Variants in PDZRN4 observed in about 807,000 individuals in gnomAD.
PDZRN4 encodes PDZ domain-containing RING finger protein 4.
A neutral mutation model predicts 99.0 loss-of-function variants in PDZRN4; 70 were observed. The ratio of observed to expected loss-of-function variants is 0.71; its 90% CI spans 0.58 to 0.86. PDZRN4 has a LOEUF of 0.86. Ranked by LOEUF, PDZRN4 falls within the 40% of genes least tolerant of loss-of-function variation. The probability of loss-of-function intolerance (pLI) is 0.00; values close to 1 mark genes in which losing one functional copy is unlikely to be tolerated. For synonymous variants in PDZRN4, 551 were observed against 501.6 expected (o/e 1.10, Z -1.32); for missense variants, 1,474 against 1,331.2 (o/e 1.11, Z -1.67).
At chr12:41,538,758 T>C (rs1198119748) in intron 5 of PDZRN4, among the ~76,000 whole-genome samples, 1 of 152,134 alleles carries the variant, frequency 6.6e-6, no homozygotes, top group Non-Finnish European at 1.5e-5. Flanking sequence ...AGTTATAAAA[T>C]ACTACTCGAA....
intron 5 of PDZRN4, among the ~76,000 whole-genome samples, chr12:41,530,772 T>G (rs1938647031): frequency 6.6e-6 from 1 of 152,216 alleles, no homozygotes; most frequent in Admixed American, 6.5e-5. Context: ...GGACTTATGA[T>G]TTCCCTGACT....
Position 41,539,111 on chromosome 12 carries a change from T to TA in PDZRN4, c.1204-13544dup, listed in dbSNP as rs1938801855. On this transcript the variant is annotated intron_variant, in intron 5 of 9. Transcript: ENST00000402685. ...GATATATGTGTGTATATATATATATTATGCGTAAATATAATATATATATTT... is the reference window on the plus strand; with the variant it reads ...GATATATGTGTGTATATATATATATTAATGCGTAAATATAATATATATATTT... Among the ~76,000 whole-genome samples the TA allele has an allele frequency of 5.9e-5, 9 of 151,558 alleles. No individual in the cohort carries two copies. In the South Asian group the frequency reaches 8.3e-4, roughly 14 times the overall value.
intron 3 of PDZRN4, among the ~76,000 whole-genome samples, chr12:41,349,122 A>T (rs933315151): frequency 6.6e-6 from 1 of 151,956 alleles, no homozygotes. Flanking sequence ...CACAATTACT[A>T]TCAATAGGGA....
intron 3 of PDZRN4, among the ~76,000 whole-genome samples, chr12:41,426,423 C>A (rs1260470543): frequency 6.6e-6 from 1 of 152,170 alleles, no homozygotes; most frequent in African/African-American, 2.4e-5. Context: ...ACCACCTCTA[C>A]CACTGACTCT....
At chr12:41,529,704 A>G (rs751255598) in intron 5 of PDZRN4, among the ~76,000 whole-genome samples, 1 of 152,172 alleles carries the variant, frequency 6.6e-6, no homozygotes, top group Non-Finnish European at 1.5e-5. Flanking sequence ...TACTCTTCCT[A>G]TGTTTTTGTG....
At chr12:41,392,095 C>A (rs1273166036) in intron 3 of PDZRN4, among the ~76,000 whole-genome samples, 1 of 152,044 alleles carries the variant, frequency 6.6e-6, no homozygotes, top group Non-Finnish European at 1.5e-5. Context: ...TATCAGAATT[C>A]TTGTGAATTC....
chr12:41,434,159 T>C (rs1288014086), intron 3 of PDZRN4, among the ~76,000 whole-genome samples: 1 of 152,234 alleles, frequency 6.6e-6, no homozygotes, highest in Admixed American at 6.5e-5. Flanking sequence ...GACTTCCTCT[T>C]CGTCTTCTCT....
rs183744528 is a variant in PDZRN4 at position 41,475,542 on chromosome 12, G to A, written c.844-30914G>A. ...AAACACATTCTTTGCAGCTTTAAAT[G>A]GTATTGTAGAAAATTCTCATAAGAA... is the stretch of plus-strand genomic sequence containing the variant. On this transcript the variant is annotated intron_variant, in intron 3 of 9. Transcript: ENST00000402685. 7.2e-4 allele frequency among the ~76,000 whole-genome samples: 109 copies of A among 152,202 alleles called. 1 individual carries two copies. Among genetic ancestry groups the A allele is most frequent in the African/African-American group, 2.0e-3 (85 of 41,552 alleles).
At chr12:41,269,903 C>T (rs1308261807) in intron 3 of PDZRN4, among the ~76,000 whole-genome samples, 1 of 152,130 alleles carries the variant, frequency 6.6e-6, no homozygotes, top group East Asian at 1.9e-4. Flanking sequence ...TTCTGATACA[C>T]ACACACGATA....
chr12:41,218,717 T>C (rs947717884), intron 3 of PDZRN4, among the ~76,000 whole-genome samples: 1 of 152,122 alleles, frequency 6.6e-6, no homozygotes, highest in Non-Finnish European at 1.5e-5. Flanking sequence ...AGCAAATATA[T>C]AACACAAAGA....
intron 3 of PDZRN4, among the ~76,000 whole-genome samples, chr12:41,485,638 C>G (rs1937760826): frequency 1.3e-5 from 2 of 151,970 alleles, no homozygotes; most frequent in African/African-American, 4.8e-5. Flanking sequence ...TAGCTTATTA[C>G]CTGGAATATA....
At chr12:41,528,559 A>G (rs1938610033) in intron 5 of PDZRN4, among the ~76,000 whole-genome samples, 1 of 152,134 alleles carries the variant, frequency 6.6e-6, no homozygotes, top group Admixed American at 6.5e-5. Context: ...GAAACTCAAA[A>G]ATTCTTGAGT....
chr12:41,248,830 A>G (rs1028859256), intron 3 of PDZRN4, among the ~76,000 whole-genome samples: 1 of 152,186 alleles, frequency 6.6e-6, no homozygotes, highest in African/African-American at 2.4e-5. Flanking sequence ...AAACTAAAAT[A>G]CAGATTATTT....
Position 41,317,859 on chromosome 12 carries a change from A to G in PDZRN4, c.843+123671A>G, listed in dbSNP as rs374782003. On this transcript the variant is annotated intron_variant, in intron 3 of 9. Transcript: ENST00000402685. The stretch of plus-strand genomic sequence containing the variant: ...TAACTCACTACAAGAGTGATTTTCA[A>G]TCGCTTCCTATTTTTAACTACTGAT... Among the ~76,000 whole-genome samples the G allele has an allele frequency of 6.5e-4, 99 of 152,210 alleles. No homozygotes were observed. In the Middle Eastern group the frequency reaches 0.027, roughly 42 times the overall value.
At chr12:41,317,132 C>T (rs1486975660) in intron 3 of PDZRN4, among the ~76,000 whole-genome samples, 4 of 138,102 alleles carry the variant, frequency 2.9e-5, no homozygotes, top group Non-Finnish European at 6.3e-5. Flanking sequence ...TGTATATTTG[C>T]ATAATTCTCA....
chr12:41,468,408 TC>T (rs1373559192), intron 3 of PDZRN4, among the ~76,000 whole-genome samples: 3 of 152,224 alleles, frequency 2.0e-5, no homozygotes, highest in African/African-American at 4.8e-5. Flanking sequence ...ATGTTTGCCC[TC>T]TGTATACCAA....
At position 41,333,917 on chromosome 12, in the gene PDZRN4, G is replaced by A. The variant is rs143096382; in HGVS notation, c.843+139729G>A. 1.2e-4 allele frequency among the ~76,000 whole-genome samples: 19 copies of A among 152,172 alleles called. No homozygotes were observed. The East Asian group carries it at 1.5e-3, about 12-fold the overall frequency. ...TTCATACGCAGTTATTTTTGTGTGC[G>A]CAAACATACTGAGAATTTGAACAAT... On this transcript the variant is annotated intron_variant, in intron 3 of 9. Transcript: ENST00000402685.
intron 3 of PDZRN4, among the ~76,000 whole-genome samples, chr12:41,218,012 AT>A (rs1487155164): frequency 2.0e-5 from 3 of 152,114 alleles, no homozygotes; most frequent in Admixed American, 6.6e-5. Flanking sequence ...GTGGAAATGA[AT>A]TCATTCACTG....
chr12:41,194,804 G>C (rs1591962844), intron 3 of PDZRN4, among the ~76,000 whole-genome samples: 2 of 152,004 alleles, frequency 1.3e-5, no homozygotes, highest in African/African-American at 4.8e-5. Flanking sequence ...GATTATTAAA[G>C]GATTAATTAT....
Sources: allele counts gnomAD v4.1 joint callset (sites outside exome capture counted in the v4.1 genomes callset), GRCh38; gene constraint gnomAD v4.1.1; transcripts MANE v1.5; gene names NCBI Gene and HGNC (gene_info 2026-07-23, HGNC 2026-07-21).